The following RFTN1 variants were observed in gnomAD, a reference collection of about 807,000 sequenced individuals.
RFTN1 encodes the protein raftlin, lipid raft linker 1.
Under a neutral mutation model 46.5 loss-of-function variants are expected in RFTN1, and 26 were observed. The observed-to-expected ratio is 0.56, with a 90% confidence interval of 0.41 to 0.78. RFTN1 has a LOEUF of 0.78. Among genes scored for constraint, RFTN1 ranks in the 30% least tolerant of loss-of-function variants. The pLI is 0.00. For synonymous variants in RFTN1, 261 were observed against 284.2 expected (o/e 0.92, Z 0.82); for missense variants, 693 against 718.7 (o/e 0.96, Z 0.41).
chr3:16,490,429 C>T (rs996904475), intron 2 of RFTN1, among the ~76,000 whole-genome samples: 1 of 152,134 alleles, frequency 6.6e-6, no homozygotes, highest in South Asian at 2.1e-4. Context: ...GTGGGCACGA[C>T]ACACTGTCCT....
chr3:16,440,688 G>T lies in RFTN1; in HGVS notation c.146-6651C>A, dbSNP rs1038990315. Among the ~76,000 whole-genome samples the T allele has an allele frequency of 2.1e-5, 3 of 141,138 alleles. No individual in the cohort carries two copies. Among genetic ancestry groups the T allele is most frequent in the East Asian group, 2.0e-4 (1 of 5,072 alleles). The allele number at this position is 141,138 out of a possible 152,430, so 92.6% of individuals were successfully genotyped here. On this transcript the variant is annotated intron_variant, in intron 2 of 9. Coordinates refer to ENST00000334133, the MANE Select transcript of RFTN1 (RefSeq NM_015150.2). This position sits in a 1 kb window ranked among gnomAD's most constrained non-coding sequence, Gnocchi z 4.6. ...AGGGGACAAGATGGTTACTGCTAAT[G>T]GGGGGGGGGCCCAATGGTGCCAGAA...
At chr3:16,369,994 A>G in intron 6 of RFTN1, 82 bp downstream of exon 6, 1 of 1,274,678 alleles carries the variant, frequency 7.8e-7, no homozygotes. Context: ...AATGAAGCAG[A>G]CTCTGAAGAG....
chr3:16,357,923 C>T lies in RFTN1; in HGVS notation c.1146+9G>A. 1.3e-6 allele frequency: 2 copies of T among 1,570,764 alleles called. No individual in the cohort carries two copies. Among genetic ancestry groups the T allele is most frequent in the Non-Finnish European group, 1.8e-6 (2 of 1,141,434 alleles). The stretch of plus-strand genomic sequence containing the variant: ...ACAAAAGAAGCGGGGCTGCCAACCC[C>T]ACACTTACTTCCAGGACTGTCCATT... On this transcript the variant is annotated intron_variant, in intron 7 of 9. Transcript: ENST00000334133.
At chr3:16,325,573 GGGTT>G (rs2069608895) in intron 8 of RFTN1, among the ~76,000 whole-genome samples, 1 of 152,162 alleles carries the variant, frequency 6.6e-6, no homozygotes, top group African/African-American at 2.4e-5. Flanking sequence ...CTGAAGACTT[GGGTT>G]CAAGTCTTCA....
In RFTN1 at chr3:16,403,764, TAA is replaced by T. The variant is rs2074688752; in HGVS notation, c.441+5609_441+5610del. On this transcript the variant is annotated intron_variant, in intron 4 of 9. Coordinates refer to ENST00000334133, the MANE Select transcript of RFTN1 (RefSeq NM_015150.2). ...TATTATATATTATATATAAAATATA[TAA>T]TATATAATATATATTATATATTTTA... 1.7e-4 allele frequency among the ~76,000 whole-genome samples: 3 copies of T among 17,578 alleles called. 1 individual carries two copies. Among genetic ancestry groups the T allele is most frequent in the Non-Finnish European group, 2.4e-4 (3 of 12,248 alleles). The allele number at this position is 17,578 out of a possible 152,430, so 11.5% of individuals were successfully genotyped here.
chr3:16,508,906 C>G (rs920686346), intron 1 of RFTN1, among the ~76,000 whole-genome samples: 3 of 152,198 alleles, frequency 2.0e-5, no homozygotes, highest in Non-Finnish European at 2.9e-5. Context: ...TCTGTGCTAT[C>G]CAATTCAGTA....
In RFTN1 at chr3:16,450,721, A is replaced by C. The variant is rs2075809431; in HGVS notation, c.146-16684T>G. Among the ~76,000 whole-genome samples the C allele has an allele frequency of 6.6e-6, 1 of 152,224 alleles. No homozygotes were observed. The highest frequency in any genetic ancestry group is 2.4e-5 in the African/African-American group (1 of 41,460). ...GTGTCTGTTCCACAACCTTCAGAGA[A>C]GGTGTTATTTTGCCTTCTCTTACCT... On this transcript the variant is annotated intron_variant, in intron 2 of 9. Transcript: ENST00000334133. The surrounding 1 kb of genome is among the most constrained non-coding windows in gnomAD (Gnocchi z 4.6).
chr3:16,319,473 C>T (rs1358380137), intron 9 of RFTN1, among the ~76,000 whole-genome samples: 2 of 152,242 alleles, frequency 1.3e-5, no homozygotes, highest in African/African-American at 2.4e-5. Flanking sequence ...CTGCGGTGCA[C>T]ACCTCCAGGG....
intron 4 of RFTN1, among the ~76,000 whole-genome samples, chr3:16,406,620 CTAT>C (rs973507993): frequency 1.6e-4 from 24 of 152,144 alleles, no homozygotes; most frequent in Non-Finnish European, 2.2e-4. Flanking sequence ...GCTTTAAAGC[CTAT>C]TATTTTCAAA....
At chr3:16,375,227 G>A (rs958038160) in intron 5 of RFTN1, among the ~76,000 whole-genome samples, 1 of 152,084 alleles carries the variant, frequency 6.6e-6, no homozygotes, top group Non-Finnish European at 1.5e-5. Context: ...GTGTGCCTGT[G>A]GGGGAGTGAC....
chr3:16,362,194 T>C (rs2072876115), intron 6 of RFTN1, among the ~76,000 whole-genome samples: 1 of 152,216 alleles, frequency 6.6e-6, no homozygotes, highest in Admixed American at 6.5e-5. Context: ...CAACATAAGA[T>C]AGTTCTCCAT....
At chr3:16,328,720 C>T (rs1052660234) in intron 7 of RFTN1, among the ~76,000 whole-genome samples, 3 of 152,090 alleles carry the variant, frequency 2.0e-5, no homozygotes, top group Admixed American at 1.3e-4. Context: ...GGAGTAGGGC[C>T]CCGGAATCTG....
At chr3:16,409,313 G>A (rs2074933576) in intron 4 of RFTN1, 62 bp downstream of exon 4, 1 of 1,127,842 alleles carries the variant, frequency 8.9e-7, no homozygotes, top group Non-Finnish European at 1.4e-6. Flanking sequence ...GCAGCTACCT[G>A]CCTGTTCACT....
intron 6 of RFTN1, among the ~76,000 whole-genome samples, chr3:16,363,625 G>A (rs950382536): frequency 6.6e-6 from 1 of 152,268 alleles, no homozygotes; most frequent in African/African-American, 2.4e-5. Flanking sequence ...CCAGGGTGCT[G>A]TGCTTCGCCA....
Position 16,475,191 on chromosome 3 carries a change from G to T in RFTN1, c.145+18534C>A, listed in dbSNP as rs898043450. 6.6e-6 allele frequency among the ~76,000 whole-genome samples: 1 copy of T among 152,210 alleles called. No individual in the cohort carries two copies. The highest frequency in any genetic ancestry group is 1.5e-5 in the Non-Finnish European group (1 of 68,030). ...TGGAAGCTCCTGGAAGCCCTCACCA[G>T]AAGCAGATGCTGACGCCATGCTTCT... On this transcript the variant is annotated intron_variant, in intron 2 of 9. Transcript: ENST00000334133. The surrounding 1 kb of genome is among the most constrained non-coding windows in gnomAD (Gnocchi z 4.2).
chr3:16,446,844 C>T lies in RFTN1; in HGVS notation c.146-12807G>A, dbSNP rs928980917. Among the ~76,000 whole-genome samples, 2 of 152,100 alleles carry T rather than the reference C, an allele frequency of 1.3e-5. No homozygotes were observed. Among genetic ancestry groups the T allele is most frequent in the African/African-American group, 4.8e-5 (2 of 41,402 alleles). ...TCCTGAGTTATTATCATCAAGGTCT[C>T]GACTCTGTAACAAAATTTCACACTG... On this transcript the variant is annotated intron_variant, in intron 2 of 9. Coordinates refer to ENST00000334133, the MANE Select transcript of RFTN1 (RefSeq NM_015150.2). The surrounding 1 kb of genome is among the most constrained non-coding windows in gnomAD (Gnocchi z 4.5).
At chr3:16,511,650 G>T (rs951651150) in intron 1 of RFTN1, among the ~76,000 whole-genome samples, 1 of 152,010 alleles carries the variant, frequency 6.6e-6, no homozygotes, top group African/African-American at 2.4e-5. Flanking sequence ...TTTCAATTCT[G>T]CTGAAAAGAG....
intron 7 of RFTN1, among the ~76,000 whole-genome samples, chr3:16,354,060 T>C (rs1240236494): frequency 6.6e-6 from 1 of 152,254 alleles, no homozygotes; most frequent in Non-Finnish European, 1.5e-5. Flanking sequence ...AACACTAGTC[T>C]ACCTTGGGCT....
chr3:16,434,407 C>CAAAAAAAAA (rs2075461100), intron 2 of RFTN1, among the ~76,000 whole-genome samples: 3 of 118,004 alleles, frequency 2.5e-5, no homozygotes, highest in East Asian at 3.0e-4. Flanking sequence ...AACAAAAAAA[C>CAAAAAAAAA]CCCCTCAAAA....
Sources: gnomAD v4.1 joint callset for allele counts (sites outside exome capture counted in the v4.1 genomes callset) on GRCh38, gnomAD v4.1.1 for gene constraint, Gnocchi (gnomAD v3.1) non-coding constraint, MANE v1.5 for transcripts, NCBI Gene and HGNC (gene_info 2026-07-23, HGNC 2026-07-21) for gene names.